Variants in PROSER2 observed in about 807,000 individuals in gnomAD.
The protein encoded by PROSER2 is proline and serine-rich protein 2.
PROSER2 carries 18 observed loss-of-function variants against 14.6 expected under a neutral mutation model. That is an observed-to-expected ratio of 1.23 (90% CI 0.85 to 1.83). PROSER2 has a LOEUF of 1.83. Among genes scored for constraint, PROSER2 ranks in the 40% most tolerant of loss-of-function variants. The pLI is 0.00. For missense variants in PROSER2, 823 were observed against 629.8 expected, an observed-to-expected ratio of 1.31 and a Z score of -3.28; for synonymous variants, 367 against 286.4, an observed-to-expected ratio of 1.28 and a Z score of -2.84.
At chr10:11,840,277 AAAAG>A (rs1833818303) in intron 1 of PROSER2, among the ~76,000 whole-genome samples, 2 of 151,952 alleles carry the variant, frequency 1.3e-5, no homozygotes, top group South Asian at 4.2e-4. Context: ...AAAAAAAAAA[AAAAG>A]AAAAACTCTT....
intron 1 of PROSER2, among the ~76,000 whole-genome samples, chr10:11,845,293 G>A (rs143369998): frequency 1.8e-4 from 28 of 152,232 alleles, no homozygotes; most frequent in East Asian, 9.7e-4. Context: ...GCGGAACCTC[G>A]GAGCACCTTG....
Position 11,838,304 on chromosome 10 carries a change from A to G in PROSER2, c.-81-13693A>G, listed in dbSNP as rs1283597554. The stretch of plus-strand genomic sequence containing the variant: ...GAATTGCACTAAGAATCTAACTCTG[A>G]CTTTTCATTGAGTGCTTTGAAGGTC... On this transcript the variant is annotated intron_variant, in intron 1 of 3. Coordinates refer to ENST00000277570, the MANE Select transcript of PROSER2 (RefSeq NM_153256.4). The surrounding 1 kb of genome is among the most constrained non-coding windows in gnomAD (Gnocchi z 4.4). Among the ~76,000 whole-genome samples the G allele has an allele frequency of 6.6e-6, 1 of 152,170 alleles. No individual in the cohort carries two copies. Among genetic ancestry groups the G allele is most frequent in the Non-Finnish European group, 1.5e-5 (1 of 68,032 alleles).
intron 1 of PROSER2, among the ~76,000 whole-genome samples, chr10:11,829,412 C>A (rs1417498897): frequency 6.6e-6 from 1 of 151,074 alleles, no homozygotes. Flanking sequence ...TAGGGAGACC[C>A]CCATCTACAA....
At chr10:11,859,031 A>G (rs1292392643) in intron 2 of PROSER2, among the ~76,000 whole-genome samples, 17 of 56,014 alleles carry the variant, frequency 3.0e-4, no homozygotes, top group South Asian at 6.4e-4. Flanking sequence ...AAAAAAAAAA[A>G]AGGAGAGATG....
chr10:11,846,362 C>T (rs955326171), intron 1 of PROSER2, among the ~76,000 whole-genome samples: 4 of 152,176 alleles, frequency 2.6e-5, no homozygotes, highest in Non-Finnish European at 4.4e-5. Flanking sequence ...TAGACATAGA[C>T]ATAAACCTTC....
In PROSER2 at chr10:11,849,356, G is replaced by A. The variant is rs541931397; in HGVS notation, c.-81-2641G>A. Reference sequence around the variant, plus strand: ...CACTTGTGGAACTCCTTAAAAACACGCACACTCCCAGCCTTTACCCCCATA... The same window carrying A: ...CACTTGTGGAACTCCTTAAAAACACACACACTCCCAGCCTTTACCCCCATA... On this transcript the variant is annotated intron_variant, in intron 1 of 3. Coordinates refer to ENST00000277570, the MANE Select transcript of PROSER2 (RefSeq NM_153256.4). Among the ~76,000 whole-genome samples, 9 of 152,204 alleles carry A rather than the reference G, an allele frequency of 5.9e-5. No individual in the cohort carries two copies. In the East Asian group the frequency reaches 9.6e-4, roughly 16 times the overall value.
At chr10:11,841,997 C>T (rs1275426836) in intron 1 of PROSER2, among the ~76,000 whole-genome samples, 2 of 152,036 alleles carry the variant, frequency 1.3e-5, no homozygotes, top group African/African-American at 2.4e-5. Flanking sequence ...CCGAGGCAGG[C>T]GGATTGCCTG....
rs1304278412 is a variant in PROSER2, at chr10:11,837,411, G to A, written c.-82+13941G>A. ...GACATGAACACGAGCTCCGATTGCT[G>A]GCAGACGGGTTGGGATTGGTGCTGT... On this transcript the variant is annotated intron_variant, in intron 1 of 3. Transcript: ENST00000277570. This position sits in a 1 kb window ranked among gnomAD's most constrained non-coding sequence, Gnocchi z 4.6. 6.6e-6 allele frequency among the ~76,000 whole-genome samples: 1 copy of A among 152,196 alleles called. No homozygotes were observed. Among genetic ancestry groups the A allele is most frequent in the Non-Finnish European group, 1.5e-5 (1 of 68,040 alleles).
chr10:11,843,027 G>A (rs143113455), intron 1 of PROSER2, among the ~76,000 whole-genome samples: 12,100 of 138,088 alleles, frequency 0.088, 545 homozygotes, highest in Middle Eastern at 0.16. Context: ...TGCAAGTTCC[G>A]CCTCCTGGGT....
chr10:11,845,985 G>GCATT (rs1361009162), intron 1 of PROSER2, among the ~76,000 whole-genome samples: 3 of 152,194 alleles, frequency 2.0e-5, no homozygotes, highest in Non-Finnish European at 4.4e-5. Flanking sequence ...ATTCATTCAT[G>GCATT]CATTCATTCA....
At chr10:11,843,199 CAAAGT>C (rs1217819735) in intron 1 of PROSER2, among the ~76,000 whole-genome samples, 3 of 150,150 alleles carry the variant, frequency 2.0e-5, no homozygotes, top group African/African-American at 7.3e-5. Context: ...CTCGGCCTCC[CAAAGT>C]GCCGGGATTA....
intron 1 of PROSER2, among the ~76,000 whole-genome samples, chr10:11,843,041 C>T (rs1254712159): frequency 1.2e-4 from 17 of 143,642 alleles, no homozygotes; most frequent in African/African-American, 4.5e-4. Flanking sequence ...CCTGGGTTTA[C>T]ACCATTCTCC....
At position 11,866,522 on chromosome 10, in the gene PROSER2, G is replaced by C. The variant is rs578123090; in HGVS notation, c.139-9G>C. 1 of 1,613,796 alleles carries C rather than the reference G, an allele frequency of 6.2e-7. No individual in the cohort carries two copies. Among genetic ancestry groups the C allele is most frequent in the East Asian group, 2.2e-5 (1 of 44,868 alleles). ...TTTCTCTCTTCTGTTCCCAATCCCTGTACTCTAGGATGATGAGAGCCTGAA... is the reference window on the plus strand; with the variant it reads ...TTTCTCTCTTCTGTTCCCAATCCCTCTACTCTAGGATGATGAGAGCCTGAA... On this transcript the variant is annotated splice_polypyrimidine_tract_variant and intron_variant, in intron 2 of 3. Coordinates refer to ENST00000277570, the MANE Select transcript of PROSER2 (RefSeq NM_153256.4). The surrounding 1 kb of genome is among the most constrained non-coding windows in gnomAD (Gnocchi z 6.0).
intron 1 of PROSER2, among the ~76,000 whole-genome samples, chr10:11,826,304 T>A (rs1475400654): frequency 1.3e-5 from 2 of 152,252 alleles, no homozygotes; most frequent in African/African-American, 4.8e-5. Flanking sequence ...TGTTTCCACC[T>A]TTTGGCTATT....
In PROSER2 at chr10:11,870,243, G is replaced by C; in HGVS notation, c.1145G>C (p.Ser382Thr). The C allele has an allele frequency of 6.7e-7, 1 of 1,488,168 alleles. No individual in the cohort carries two copies. The highest frequency in any genetic ancestry group is 8.9e-7 in the Non-Finnish European group (1 of 1,126,962). The allele number at this position is 1,488,168 out of a possible 1,614,324, so 92.2% of individuals were successfully genotyped here. A position where few individuals can be genotyped will look rare whatever the true frequency, so the allele number is the denominator to read the frequency against. Reference protein sequence around the residue: ...PALPSTRARQSFPGPRQPNGA... With the variant: ...PALPSTRARQTFPGPRQPNGA... ...CTGCCCAGCACGCGGGCCCGTCAGA[G>C]CTTCCCCGGGCCCCGGCAGCCCAAC... The change falls in exon 4 of 4, where the codon AGC (serine) becomes ACC (threonine). Residue 382 changes from serine to threonine, a missense_variant. Coordinates refer to ENST00000277570, the MANE Select transcript of PROSER2 (RefSeq NM_153256.4).
intron 1 of PROSER2, among the ~76,000 whole-genome samples, chr10:11,847,589 TTGTGTTTTCAGTAG>T (rs1833942087): frequency 6.6e-6 from 1 of 152,176 alleles, no homozygotes; most frequent in African/African-American, 2.4e-5. Flanking sequence ...GGCTAATTTT[TTGTGTTTTCAGTAG>T]AGATGGGGTT....
chr10:11,869,742 C>G lies in PROSER2; in HGVS notation c.644C>G (p.Ser215Cys), dbSNP rs202165239. 1.3e-6 allele frequency: 2 copies of G among 1,586,530 alleles called. No homozygotes were observed. The highest frequency in any genetic ancestry group is 1.7e-6 in the Non-Finnish European group (2 of 1,167,770). ...GGGAACGAAGCCCTCTCGCCCACCT[C>G]CCCGTTCAGGGAGGGCCGGCCCGGG... ...MAGNEALSPT[S>C]PFREGRPGEW... The change falls in exon 4 of 4, where the codon TCC becomes TGC. Residue 215 changes from serine (S) to cysteine (C), a missense_variant. Coordinates refer to ENST00000277570, the MANE Select transcript of PROSER2 (RefSeq NM_153256.4). The surrounding 1 kb of genome is among the most constrained non-coding windows in gnomAD (Gnocchi z 4.4).
chr10:11,848,466 G>A (rs1833959629), intron 1 of PROSER2, among the ~76,000 whole-genome samples: 1 of 152,188 alleles, frequency 6.6e-6, no homozygotes, highest in Non-Finnish European at 1.5e-5. Context: ...ACCGTGCCTG[G>A]CCCCCCACTC....
Position 11,869,945 on chromosome 10 carries a change from G to A in PROSER2, c.847G>A (p.Ala283Thr), listed in dbSNP as rs2131099982. The A allele has an allele frequency of 6.7e-7, 1 of 1,495,240 alleles. No homozygotes were observed. The highest frequency in any genetic ancestry group is 8.9e-7 in the Non-Finnish European group (1 of 1,127,610). 92.6% of individuals were successfully genotyped at this position (1,495,240 alleles called of 1,614,324 possible). Residue 283 changes from alanine to threonine, a missense_variant, in exon 4 of 4, where the codon GCG becomes ACG. By Grantham distance (58) the Ala-to-Thr change is moderately conservative (BLOSUM62 0). Transcript: ENST00000277570. The surrounding 1 kb of genome is among the most constrained non-coding windows in gnomAD (Gnocchi z 4.4). ...RAAVSVQERR[A>T]QVLATIHGHA... ...GGCCGTCAGCGTGCAGGAGCGCAGG[G>A]CGCAGGTGTTGGCCACCATCCACGG...
Sources: allele counts gnomAD v4.1 joint callset (sites outside exome capture counted in the v4.1 genomes callset), GRCh38; gene constraint gnomAD v4.1.1; non-coding constraint Gnocchi (gnomAD v3.1); transcripts MANE v1.5; gene names NCBI Gene and HGNC (gene_info 2026-07-23, HGNC 2026-07-21).